Variants in TRPM7 observed in about 807,000 individuals in gnomAD.
The protein encoded by TRPM7 is LTRPC ion channel family member 7.
In TRPM7, 134 loss-of-function variants were observed where a neutral mutation model predicts 229.7. The ratio of observed to expected loss-of-function variants is 0.58; its 90% CI spans 0.51 to 0.67. The LOEUF is 0.67. Among genes scored for constraint, TRPM7 ranks in the 30% least tolerant of loss-of-function variants. TRPM7 has a pLI of 0.00. For synonymous variants in TRPM7, 699 were observed against 715.2 expected (o/e 0.98, Z 0.36); for missense variants, 1,901 against 2,210.0 (o/e 0.86, Z 2.80).
In TRPM7 at chr15:50,609,674, C is replaced by T; in HGVS notation, c.2487G>A (p.Glu829=). ...TTTTTGATTTCATTTGTATCTCCAT[C>T]TCATTCTTTCCTTCATTACTATCCA... The part of the protein sequence containing the change: ...RILDSNEGKN[E]MEIQMKSKKL... The change falls in exon 19 of 39, where the codon GAG becomes GAA. Residue 829 remains glutamate (E), a synonymous_variant. Coordinates refer to ENST00000646667, the MANE Select transcript of TRPM7 (RefSeq NM_017672.6). 1 of 1,611,112 alleles carries T rather than the reference C, an allele frequency of 6.2e-7. No homozygotes were observed. Among genetic ancestry groups the T allele is most frequent in the South Asian group, 1.1e-5 (1 of 90,522 alleles).
At chr15:50,632,201 G>A (rs926384092) in intron 9 of TRPM7, among the ~76,000 whole-genome samples, 2 of 152,000 alleles carry the variant, frequency 1.3e-5, no homozygotes, top group Non-Finnish European at 2.9e-5. Context: ...GCTGAGGTGG[G>A]AGAATCGCTT....
chr15:50,663,893 G>A (rs1007993778), intron 1 of TRPM7, among the ~76,000 whole-genome samples: 13 of 151,980 alleles, frequency 8.6e-5, no homozygotes, highest in African/African-American at 3.1e-4. Flanking sequence ...AGCCGAGGAG[G>A]CTGAGGATGC....
chr15:50,644,689 T>A (rs2061206838), intron 4 of TRPM7, among the ~76,000 whole-genome samples: 1 of 148,494 alleles, frequency 6.7e-6, no homozygotes, highest in Admixed American at 6.9e-5. Flanking sequence ...CCCAGCTACT[T>A]GGGAGGCTGA....
chr15:50,564,248 A>T (rs868334407), intron 38 of TRPM7, among the ~76,000 whole-genome samples: 1 of 124,806 alleles, frequency 8.0e-6, no homozygotes, highest in African/African-American at 3.4e-5. Flanking sequence ...GACTGTCTCA[A>T]AAAATAAAAT....
chr15:50,625,167 T>A (rs183990644), intron 11 of TRPM7, among the ~76,000 whole-genome samples: 31 of 152,210 alleles, frequency 2.0e-4, no homozygotes, highest in African/African-American at 7.5e-4. Flanking sequence ...AGTCTGTATA[T>A]TTTTTAATAT....
intron 36 of TRPM7, among the ~76,000 whole-genome samples, chr15:50,570,677 T>TAA (rs149970874): frequency 0.014 from 1,298 of 91,700 alleles, 34 homozygotes; most frequent in African/African-American, 0.05. Flanking sequence ...ACTTCATTCC[T>TAA]AAAAAAAAAA....
chr15:50,575,776 A>C lies in TRPM7; in HGVS notation c.4683T>G (p.Asn1561Lys), dbSNP rs780947973. ...TGCTCTGTGATAACCTCATCAAGTT[A>C]TTTCTTTCCACAGCTGCATAAAAAT... The part of the protein sequence containing the change: ...TNYYYSAVER[N>K]NLMRLSQSIP... The change falls in exon 33 of 39, where the codon AAT becomes AAG. Residue 1561 changes from asparagine (N) to lysine (K), a missense_variant. By Grantham distance (94) the Asn-to-Lys change is moderately conservative. Around this residue, in one of 8 missense-constraint regions of TRPM7, gnomAD observed 533 missense variants for 497.1 expected, o/e 1.07. Coordinates refer to ENST00000646667, the MANE Select transcript of TRPM7 (RefSeq NM_017672.6). 6 of 1,613,450 alleles carry C rather than the reference A, an allele frequency of 3.7e-6. No homozygotes were observed. Among genetic ancestry groups the C allele is most frequent in the African/African-American group, 2.7e-5 (2 of 74,916 alleles).
intron 12 of TRPM7, 90 bp from the exon 13 acceptor site, chr15:50,619,888 T>C: frequency 9.1e-7 from 1 of 1,103,476 alleles, no homozygotes; most frequent in Non-Finnish European, 1.3e-6. Context: ...CTTATACAAA[T>C]TACATTGTTT....
chr15:50,646,862 C>T (rs1023042764), intron 4 of TRPM7, among the ~76,000 whole-genome samples: 1 of 152,174 alleles, frequency 6.6e-6, no homozygotes, highest in South Asian at 2.1e-4. Context: ...TATTTAGACA[C>T]ATATTTCCCA....
At chr15:50,673,462 T>C (rs533955968) in intron 1 of TRPM7, among the ~76,000 whole-genome samples, 1 of 152,230 alleles carries the variant, frequency 6.6e-6, no homozygotes, top group African/African-American at 2.4e-5. Context: ...CATTGTGTCA[T>C]TCTTATGCCT....
chr15:50,680,539 A>G (rs1279498407), intron 1 of TRPM7, among the ~76,000 whole-genome samples: 2 of 151,786 alleles, frequency 1.3e-5, no homozygotes, highest in African/African-American at 4.8e-5. Context: ...ACTGAACTCT[A>G]GCCTAATTGA....
chr15:50,582,980 A>AT (rs2054495288), intron 29 of TRPM7, 109 bp downstream of exon 29: 2 of 760,658 alleles, frequency 2.6e-6, no homozygotes, highest in Admixed American at 3.6e-5. Context: ...CTTAAGAAAA[A>AT]TTTTTTTGAA....
In TRPM7 at chr15:50,560,666, C is replaced by CAATTGG. The variant is rs2053275573; in HGVS notation, c.*1011_*1012insCCAATT. ...TGGCATAAGGTTGCACTGCAATCTGCCAGTATCACATAATGATAATCCAAC... is the reference window on the plus strand; with the variant it reads ...TGGCATAAGGTTGCACTGCAATCTGCAATTGGCAGTATCACATAATGATAATCCAAC... On this transcript the variant is annotated 3_prime_UTR_variant, in exon 39 of 39. Coordinates refer to ENST00000646667, the MANE Select transcript of TRPM7 (RefSeq NM_017672.6). 2 of 152,570 alleles carry CAATTGG rather than the reference C, an allele frequency of 1.3e-5. No homozygotes were observed. Among genetic ancestry groups the CAATTGG allele is most frequent in the Non-Finnish European group, 2.9e-5 (2 of 68,026 alleles). The allele number at this position is 152,570 out of a possible 1,614,324, so 9.5% of individuals were successfully genotyped here.
At chr15:50,567,336 A>G (rs2053646868) in intron 38 of TRPM7, among the ~76,000 whole-genome samples, 1 of 152,118 alleles carries the variant, frequency 6.6e-6, no homozygotes, top group Non-Finnish European at 1.5e-5. Flanking sequence ...CCTCCCCACT[A>G]AATGCTTAGT....
At chr15:50,669,784 A>G (rs1370178456) in intron 1 of TRPM7, among the ~76,000 whole-genome samples, 5 of 149,196 alleles carry the variant, frequency 3.4e-5, no homozygotes, top group South Asian at 4.2e-4. Flanking sequence ...GAAGTCCAGG[A>G]AAAAAAAAAG....
At chr15:50,612,420 C>CTTATACAAT in intron 16 of TRPM7, 129 bp downstream of exon 16, 1 of 615,620 alleles carries the variant, frequency 1.6e-6, no homozygotes, top group Non-Finnish European at 2.4e-6. Flanking sequence ...ATATAATTTT[C>CTTATACAAT]TGTCAATTGT....
intron 25 of TRPM7, 126 bp downstream of exon 25, chr15:50,593,491 A>C: frequency 9.9e-7 from 1 of 1,009,502 alleles, no homozygotes; most frequent in East Asian, 2.5e-5. Flanking sequence ...TTTCCAATAC[A>C]TCATGTAAAA....
chr15:50,643,551 A>G lies in TRPM7; in HGVS notation c.324T>C (p.Tyr108=), dbSNP rs779845897. 8 of 1,611,934 alleles carry G rather than the reference A, an allele frequency of 5.0e-6. No homozygotes were observed. The African/African-American group carries it at 9.3e-5, about 19-fold the overall frequency. Residue 108 remains tyrosine, a splice_region_variant and synonymous_variant, in exon 5 of 39, where the codon TAT becomes TAC. Coordinates refer to ENST00000646667, the MANE Select transcript of TRPM7 (RefSeq NM_017672.6). ...QGGSHSYRAK[Y]VRLSYDTKPE... ...GTTTGGTGTCATATGATAGCCTCAC[A>G]TACTAGAAAAAGATTTTAAAAGGAG...
chr15:50,679,501 GTATATATATAATATATATA>G (rs1323537691), intron 1 of TRPM7, among the ~76,000 whole-genome samples: 5 of 84,626 alleles, frequency 5.9e-5, no homozygotes, highest in African/African-American at 2.2e-4. Context: ...ATATATATGT[GTATATATATAATATATATA>G]TATATATATA....
Sources: allele counts gnomAD v4.1 joint callset (sites outside exome capture counted in the v4.1 genomes callset), GRCh38; gene constraint gnomAD v4.1.1; regional missense constraint gnomAD v4.1.1; transcripts MANE v1.5; gene names NCBI Gene and HGNC (gene_info 2026-07-23, HGNC 2026-07-21).